The following FNDC1 variants were observed in gnomAD, a reference collection of about 807,000 sequenced individuals.
FNDC1 encodes the protein fibronectin type III domain containing 1.
A neutral mutation model predicts 168.0 loss-of-function variants in FNDC1; 96 were observed. The observed-to-expected ratio is 0.57, with a 90% CI of 0.48 to 0.68. FNDC1 has a LOEUF of 0.68. Ranked by LOEUF, FNDC1 falls within the 30% of genes least tolerant of loss-of-function variation. FNDC1 has a pLI of 0.00. For synonymous variants in FNDC1, 1,099 were observed against 1,025.9 expected (o/e 1.07, Z -1.36); for missense variants, 2,587 against 2,482.1 (o/e 1.04, Z -0.90).
At chr6:159,267,981 A>G (rs1777624688) in intron 22 of FNDC1, 55 bp downstream of exon 22, 3 of 1,561,392 alleles carry the variant, frequency 1.9e-6, no homozygotes, top group Non-Finnish European at 2.6e-6. Flanking sequence ...ACAAGGATTA[A>G]TAGAGGGGGA....
At chr6:159,269,499 T>TCCATCCATCCATCCATCC (rs1562316090) in intron 22 of FNDC1, among the ~76,000 whole-genome samples, 1 of 87,328 alleles carries the variant, frequency 1.1e-5, no homozygotes, top group African/African-American at 4.3e-5. Context: ...TCTATCTATC[T>TCCATCCATCCATCCATCC]ATCCATCCAT....
rs759083463 is a variant in FNDC1, at chr6:159,232,271, C to G, written c.1759C>G (p.Arg587Gly). Residue 587 changes from arginine to glycine, a missense_variant, in exon 11 of 23, where the codon CGG becomes GGG. Physicochemically the swap from Arg to Gly is moderately radical, Grantham distance 125. Transcript: ENST00000297267. The surrounding 1 kb of genome is among the most constrained non-coding windows in gnomAD (Gnocchi z 4.9). ...VAPGRTAVRARMPALPRREGV... is the reference protein window; with the variant it reads ...VAPGRTAVRAGMPALPRREGV... ...TCCCGGCAGGACTGCAGTGAGGGCC[C>G]GGATGCCAGCGCTGCCCCGAAGGGA... is the stretch of plus-strand genomic sequence containing the variant. 3 of 1,610,210 alleles carry G rather than the reference C, an allele frequency of 1.9e-6. No individual in the cohort carries two copies. The highest frequency in any genetic ancestry group is 2.5e-6 in the Non-Finnish European group (3 of 1,178,364).
chr6:159,188,911 C>G (rs1782068371), intron 1 of FNDC1, among the ~76,000 whole-genome samples: 1 of 151,884 alleles, frequency 6.6e-6, no homozygotes, highest in Non-Finnish European at 1.5e-5. Flanking sequence ...CCATGCCCAC[C>G]TGGCTAATTT....
intron 11 of FNDC1, 102 bp from the exon 12 acceptor site, chr6:159,236,113 A>G (rs1245996311): frequency 7.2e-6 from 5 of 696,656 alleles, no homozygotes; most frequent in South Asian, 5.7e-5. Flanking sequence ...TAGAGCTTCT[A>G]TTTGAAATGA....
intron 4 of FNDC1, among the ~76,000 whole-genome samples, chr6:159,203,655 C>T (rs192660241): frequency 6.6e-6 from 1 of 152,300 alleles, no homozygotes; most frequent in East Asian, 1.9e-4. Context: ...CTTGTTCTGT[C>T]CCCAGGGAAG....
intron 4 of FNDC1, among the ~76,000 whole-genome samples, chr6:159,211,929 G>A (rs1782615090): frequency 6.6e-6 from 1 of 152,020 alleles, no homozygotes; most frequent in African/African-American, 2.4e-5. Context: ...GCATAGAATG[G>A]GTAAAACATC....
intron 18 of FNDC1, among the ~76,000 whole-genome samples, chr6:159,258,842 G>A (rs763255545): frequency 3.3e-5 from 5 of 152,192 alleles, no homozygotes; most frequent in African/African-American, 9.7e-5. Flanking sequence ...ATTCACTTTC[G>A]TCATCTCAGT....
intron 19 of FNDC1, among the ~76,000 whole-genome samples, chr6:159,262,240 T>G (rs977450390): frequency 2.0e-5 from 3 of 152,238 alleles, no homozygotes; most frequent in African/African-American, 7.2e-5. Flanking sequence ...GAGCCAGCCC[T>G]GCACCCAGCT....
intron 4 of FNDC1, among the ~76,000 whole-genome samples, chr6:159,208,765 C>T (rs1376023065): frequency 3.3e-5 from 5 of 152,114 alleles, no homozygotes; most frequent in African/African-American, 9.7e-5. Flanking sequence ...AACTAAGATT[C>T]CATGAAGGCC....
At chr6:159,264,859 C>A (rs1777557076) in intron 19 of FNDC1, 116 bp from the exon 20 acceptor site, 3 of 797,682 alleles carry the variant, frequency 3.8e-6, no homozygotes, top group South Asian at 2.0e-5. Context: ...ATCTATCAAA[C>A]CTTATCTTTT....
At chr6:159,261,948 A>AAT (rs1554229179) in intron 19 of FNDC1, among the ~76,000 whole-genome samples, 20 of 151,172 alleles carry the variant, frequency 1.3e-4, no homozygotes, top group Non-Finnish European at 2.8e-4. Context: ...CAAAAAAAAA[A>AAT]TTTTTTTTAA....
In FNDC1 at chr6:159,231,968, G is replaced by A; in HGVS notation, c.1456G>A (p.Ala486Thr). ...EPSSPSPRAP[A>T]SSQHPSVPAS... ...TTCCTCACCTTCTCCCAGAGCTCCA[G>A]CTTCCTCCCAACACCCCTCTGTGCC... is the stretch of plus-strand genomic sequence containing the variant. Residue 486 changes from alanine (A) to threonine (T), a missense_variant, in exon 11 of 23, where the codon GCT (alanine) becomes ACT (threonine). Ala to Thr is a moderately conservative substitution (Grantham distance 58). Coordinates refer to ENST00000297267, the MANE Select transcript of FNDC1 (RefSeq NM_032532.3). 6.2e-7 allele frequency: 1 copy of A among 1,613,964 alleles called. No homozygotes were observed. Among genetic ancestry groups the A allele is most frequent in the Non-Finnish European group, 8.5e-7 (1 of 1,179,890 alleles).
chr6:159,180,355 G>T (rs1781854377), intron 1 of FNDC1, among the ~76,000 whole-genome samples: 2 of 152,122 alleles, frequency 1.3e-5, no homozygotes. Flanking sequence ...TTCCCAATAA[G>T]GTCACATTCA....
At chr6:159,193,024 G>A (rs925624573) in intron 1 of FNDC1, among the ~76,000 whole-genome samples, 3 of 152,190 alleles carry the variant, frequency 2.0e-5, no homozygotes, top group Non-Finnish European at 4.4e-5. Context: ...TGGACACGAG[G>A]AAGTTGTCTG....
intron 1 of FNDC1, among the ~76,000 whole-genome samples, chr6:159,191,869 G>A (rs756528456): frequency 1.3e-5 from 2 of 151,990 alleles, no homozygotes; most frequent in Non-Finnish European, 2.9e-5. Context: ...TGGATTAGTC[G>A]TGCTTTTTTT....
chr6:159,199,497 A>G (rs1346913777), intron 2 of FNDC1, among the ~76,000 whole-genome samples: 2 of 152,232 alleles, frequency 1.3e-5, no homozygotes, highest in Non-Finnish European at 2.9e-5. Flanking sequence ...AGAAAATTTC[A>G]TGAAGCTTTA....
intron 18 of FNDC1, among the ~76,000 whole-genome samples, chr6:159,257,390 T>C (rs1242737139): frequency 1.3e-5 from 2 of 152,232 alleles, no homozygotes; most frequent in Non-Finnish European, 2.9e-5. Flanking sequence ...TACTACCATT[T>C]TGGCCAATTT....
At chr6:159,244,167 T>C (rs560817666) in intron 14 of FNDC1, among the ~76,000 whole-genome samples, 2 of 152,304 alleles carry the variant, frequency 1.3e-5, no homozygotes, top group East Asian at 3.9e-4. Flanking sequence ...AAGGTTAAAT[T>C]GACAAGGGAA....
chr6:159,185,986 A>T, intron 1 of FNDC1, among the ~76,000 whole-genome samples: 1 of 152,194 alleles, frequency 6.6e-6, no homozygotes, highest in Non-Finnish European at 1.5e-5. Flanking sequence ...CTTGAATGGG[A>T]CTAATAAAAA....
Sources: allele counts gnomAD v4.1 joint callset (sites outside exome capture counted in the v4.1 genomes callset), GRCh38; gene constraint gnomAD v4.1.1; non-coding constraint Gnocchi (gnomAD v3.1); transcripts MANE v1.5; gene names NCBI Gene and HGNC (gene_info 2026-07-23, HGNC 2026-07-21).